The following DNA2 variants were observed in gnomAD, a reference collection of about 807,000 sequenced individuals.
DNA2 encodes the protein DNA replication helicase/nuclease 2, also known as DNA replication ATP-dependent helicase/nuclease DNA2.
DNA2 carries 101 observed loss-of-function variants against 119.1 expected under a neutral mutation model. The observed-to-expected ratio is 0.85, with a 90% CI of 0.72 to 1.00. The LOEUF (loss-of-function observed/expected upper bound fraction) is 1.00. Ranked by LOEUF, DNA2 falls within the 50% of genes least tolerant of loss-of-function variation. The pLI is 0.00. For synonymous variants in DNA2, 366 were observed against 424.4 expected (o/e 0.86, Z 1.69); for missense variants, 1,121 against 1,255.5 (o/e 0.89, Z 1.62).
In DNA2 at chr10:68,431,877, A is replaced by C. The variant is rs1438523049; in HGVS notation, c.1968T>G (p.Thr656=). 1 of 1,609,852 alleles carries C rather than the reference A, an allele frequency of 6.2e-7. No homozygotes were observed. The highest frequency in any genetic ancestry group is 8.5e-7 in the Non-Finnish European group (1 of 1,176,814). ...ATAACCTTACGAGAGTACATATCGT[A>C]GTTGTTTTTCCTGTCCCAGGCATAC... ...IVGMPGTGKT[T]TICTLVRILY... Residue 656 remains threonine (T), a synonymous_variant, in exon 13 of 21, where the codon ACT becomes ACG. Transcript: ENST00000358410.
At chr10:68,422,104 C>T (rs192195444) in intron 17 of DNA2, 121 bp downstream of exon 17, 6 of 778,186 alleles carry the variant, frequency 7.7e-6, no homozygotes, top group East Asian at 5.5e-5. Context: ...TGAGCCACCA[C>T]GCCCAGCCTA....
At chr10:68,462,206 A>G (rs970438917) in intron 4 of DNA2, among the ~76,000 whole-genome samples, 1 of 151,998 alleles carries the variant, frequency 6.6e-6, no homozygotes, top group Non-Finnish European at 1.5e-5. Context: ...CCCTGTCTCT[A>G]CTCACAAACA....
chr10:68,438,163 G>A (rs2051917050), intron 9 of DNA2, among the ~76,000 whole-genome samples: 1 of 152,026 alleles, frequency 6.6e-6, no homozygotes, highest in South Asian at 2.1e-4. Flanking sequence ...CCACTTCTTG[G>A]GCTGATACAT....
intron 5 of DNA2, among the ~76,000 whole-genome samples, chr10:68,457,609 T>G (rs921823719): frequency 1.3e-5 from 2 of 152,094 alleles, no homozygotes; most frequent in African/African-American, 4.8e-5. Flanking sequence ...TTTGTTTTGT[T>G]TTTTGCTACC....
At chr10:68,471,526 A>C (rs1446926195) in intron 1 of DNA2, among the ~76,000 whole-genome samples, 1 of 152,130 alleles carries the variant, frequency 6.6e-6, no homozygotes, top group East Asian at 1.9e-4. Context: ...AGTGGCCGAA[A>C]CTCCTCAACT....
chr10:68,418,361 G>T (rs985312663), intron 19 of DNA2, among the ~76,000 whole-genome samples: 4 of 149,290 alleles, frequency 2.7e-5, no homozygotes, highest in African/African-American at 9.9e-5. Flanking sequence ...GCAGTGAGCC[G>T]AGATCGCACT....
chr10:68,436,220 A>G (rs1444706149), intron 10 of DNA2, among the ~76,000 whole-genome samples: 1 of 152,234 alleles, frequency 6.6e-6, no homozygotes, highest in East Asian at 1.9e-4. Context: ...GTATCCATAC[A>G]ACAGAATATA....
chr10:68,422,925 T>G, intron 14 of DNA2, 35 bp from the exon 15 acceptor site: 1 of 1,425,692 alleles, frequency 7.0e-7, no homozygotes. Flanking sequence ...TTATTTAACA[T>G]GTAAAAGAAA....
chr10:68,436,000 C>T (rs915163721), intron 10 of DNA2, among the ~76,000 whole-genome samples: 1 of 152,066 alleles, frequency 6.6e-6, no homozygotes, highest in African/African-American at 2.4e-5. Flanking sequence ...ACATAATGTA[C>T]TAAACAAAAC....
chr10:68,459,161 G>T lies in DNA2; in HGVS notation c.662C>A (p.Ala221Glu), dbSNP rs751031650. Residue 221 changes from alanine to glutamate, a missense_variant, in exon 5 of 21, where the codon GCA becomes GAA. Coordinates refer to ENST00000358410, the MANE Select transcript of DNA2 (RefSeq NM_001080449.3). ...AGTGTTTTTATGCATGAAATCTCCTGCCCATTTACAAAACGAAGGAAGATA... is the reference window on the plus strand; with the variant it reads ...AGTGTTTTTATGCATGAAATCTCCTTCCCATTTACAAAACGAAGGAAGATA... ...EDYLPSFCKW[A>E]GDFMHKNTST... 4.4e-6 allele frequency: 7 copies of T among 1,594,210 alleles called. No individual in the cohort carries two copies. Among genetic ancestry groups the T allele is most frequent in the Non-Finnish European group, 6.0e-6 (7 of 1,169,360 alleles).
intron 8 of DNA2, 31 bp downstream of exon 8, chr10:68,444,890 A>G (rs2052017740): frequency 1.3e-6 from 2 of 1,585,116 alleles, no homozygotes; most frequent in Middle Eastern, 1.7e-4. Flanking sequence ...ATACTCAACT[A>G]GAAATAATGC....
chr10:68,459,060 TAA>T, intron 5 of DNA2, 42 bp downstream of exon 5: 1 of 1,467,742 alleles, frequency 6.8e-7, no homozygotes, highest in East Asian at 2.5e-5. Flanking sequence ...CATCCTGGTC[TAA>T]AAATATGAAG....
intron 5 of DNA2, among the ~76,000 whole-genome samples, chr10:68,457,339 G>A (rs540035083): frequency 5.9e-5 from 9 of 152,246 alleles, no homozygotes; most frequent in South Asian, 2.1e-4. Flanking sequence ...GGCTTTTGCC[G>A]TTTCCCCTAC....
In DNA2 at chr10:68,444,616, T is replaced by C. The variant is rs4237317; in HGVS notation, c.1220+305A>G. On this transcript the variant is annotated intron_variant, in intron 8 of 20. Transcript: ENST00000358410. The stretch of plus-strand genomic sequence containing the variant: ...GCACATGGCTGTAATCCCAGCTACT[T>C]GGGAGGCTGAGGCAGGAGAATCGCT... Among the ~76,000 whole-genome samples, 22,633 of 147,544 alleles carry C rather than the reference T, an allele frequency of 0.15. 2,231 individuals are homozygous for C. Among genetic ancestry groups the C allele is most frequent in the East Asian group, 0.39 (1,943 of 4,982 alleles).
At chr10:68,415,192 A>T in intron 20 of DNA2, 85 bp from the exon 21 acceptor site, 1 of 795,914 alleles carries the variant, frequency 1.3e-6, no homozygotes, top group Non-Finnish European at 2.0e-6. Flanking sequence ...TTGTAATTTG[A>T]CTTACAGGAC....
intron 5 of DNA2, among the ~76,000 whole-genome samples, chr10:68,450,492 G>A (rs1170002108): frequency 1.3e-5 from 2 of 152,170 alleles, no homozygotes; most frequent in African/African-American, 4.8e-5. Flanking sequence ...TAGGGGTGAG[G>A]CCTAGCAATC....
chr10:68,450,209 A>G lies in DNA2; in HGVS notation c.758T>C (p.Ile253Thr), dbSNP rs1228380036. Residue 253 changes from isoleucine to threonine, a missense_variant, in exon 6 of 21, where the codon ATT (isoleucine) becomes ACT (threonine). By Grantham distance (89) the Ile-to-Thr change is moderately conservative. Coordinates refer to ENST00000358410, the MANE Select transcript of DNA2 (RefSeq NM_001080449.3). ...AATATCCATTGGTTTCACGACTTCA[A>G]TGTTACATGTTGAATTATCCTTACT... ...DNSKDNSTCN[I>T]EVVKPMDIEE... 1.9e-6 allele frequency: 3 copies of G among 1,592,614 alleles called. No individual in the cohort carries two copies. The highest frequency in any genetic ancestry group is 1.7e-6 in the Non-Finnish European group (2 of 1,168,490).
intron 5 of DNA2, among the ~76,000 whole-genome samples, chr10:68,454,472 T>C (rs1265329398): frequency 6.6e-6 from 1 of 151,848 alleles, no homozygotes; most frequent in Admixed American, 6.6e-5. Flanking sequence ...GAAAAGCTTA[T>C]GTCCAAAAAA....
rs901849282 is a variant in DNA2, at chr10:68,453,688, G to A, written c.720-3441C>T. On this transcript the variant is annotated intron_variant, in intron 5 of 20. Coordinates refer to ENST00000358410, the MANE Select transcript of DNA2 (RefSeq NM_001080449.3). ...ATGTTTAGATAGACAAATACTTACCGTTGTTACAATTGCCTACAGTATTCA... is the reference window on the plus strand; with the variant it reads ...ATGTTTAGATAGACAAATACTTACCATTGTTACAATTGCCTACAGTATTCA... 1.2e-4 allele frequency among the ~76,000 whole-genome samples: 19 copies of A among 152,164 alleles called. No individual in the cohort carries two copies. In the East Asian group the frequency reaches 1.5e-3, roughly 12 times the overall value.
Sources: gnomAD v4.1 joint callset for allele counts (sites outside exome capture counted in the v4.1 genomes callset) on GRCh38, gnomAD v4.1.1 for gene constraint, MANE v1.5 for transcripts, NCBI Gene and HGNC (gene_info 2026-07-23, HGNC 2026-07-21) for gene names.